Variants in PRIM2 observed in about 807,000 individuals in gnomAD.
PRIM2 encodes the protein DNA primase large subunit.
A neutral mutation model predicts 67.3 loss-of-function variants in PRIM2; 39 were observed. The ratio of observed to expected loss-of-function variants is 0.58; its 90% CI spans 0.45 to 0.76. The LOEUF (loss-of-function observed/expected upper bound fraction) is 0.76. Among genes scored for constraint, PRIM2 ranks in the 30% least tolerant of loss-of-function variants. PRIM2 has a pLI of 0.00. For synonymous variants in PRIM2, 143 were observed against 198.7 expected, an observed-to-expected ratio of 0.72 and a Z score of 2.36; for missense variants, 398 against 598.7, an observed-to-expected ratio of 0.66 and a Z score of 3.50.
chr6:57,591,071 T>G, intron 10 of PRIM2, among the ~76,000 whole-genome samples: 1 of 152,190 alleles, frequency 6.6e-6, no homozygotes, highest in Non-Finnish European at 1.5e-5. Flanking sequence ...AGAATATGTG[T>G]GATGTTCTAA....
At chr6:57,247,686 C>T in the PRIM2 span, among the ~76,000 whole-genome samples, 1 of 152,134 alleles carries the variant, frequency 6.6e-6, no homozygotes, top group Non-Finnish European at 1.5e-5. Context: ...CTTAGGTTGT[C>T]ATTTTGGACA....
At chr6:57,332,037 G>A (rs933431213) in intron 5 of PRIM2, among the ~76,000 whole-genome samples, 1 of 151,794 alleles carries the variant, frequency 6.6e-6, no homozygotes, top group African/African-American at 2.4e-5. Context: ...GACATTTACA[G>A]CTATAAATTT....
Position 57,646,189 on chromosome 6 carries a change from C to T in PRIM2, c.*31C>T. On this transcript the variant is annotated 3_prime_UTR_variant, in exon 14 of 14. Coordinates refer to ENST00000615550, the MANE Select transcript of PRIM2 (RefSeq NM_000947.5). ...TTTATAACCCTTTTTCCTCAATAGC[C>T]TGTTTCCTGTTTTTAAGATTTTGCC... 7.2e-7 allele frequency: 1 copy of T among 1,387,782 alleles called. No homozygotes were observed. The highest frequency in any genetic ancestry group is 1.0e-6 in the Non-Finnish European group (1 of 987,296). The allele number at this position is 1,387,782 out of a possible 1,614,324, so 86.0% of individuals were successfully genotyped here.
the PRIM2 span, among the ~76,000 whole-genome samples, chr6:57,256,146 C>T: frequency 6.6e-6 from 1 of 152,202 alleles, no homozygotes; most frequent in Non-Finnish European, 1.5e-5. Context: ...TAAGTACCCA[C>T]ACCTTTTGTA....
At chr6:57,265,449 T>G in the PRIM2 span, among the ~76,000 whole-genome samples, 1 of 152,226 alleles carries the variant, frequency 6.6e-6, no homozygotes, top group African/African-American at 2.4e-5. Context: ...GCTTGCCACG[T>G]TGGTATGTGC....
intron 7 of PRIM2, among the ~76,000 whole-genome samples, chr6:57,427,899 A>ATTC (rs1457253178): frequency 6.6e-6 from 1 of 152,114 alleles, no homozygotes; most frequent in East Asian, 1.9e-4. Context: ...TTTGAACCTT[A>ATTC]TTCTTATAAA....
chr6:57,522,369 G>T, intron 8 of PRIM2, among the ~76,000 whole-genome samples: 1 of 152,184 alleles, frequency 6.6e-6, no homozygotes, highest in Non-Finnish European at 1.5e-5. Flanking sequence ...ATGTCATTGT[G>T]TCCTCACTAT....
chr6:57,319,398 G>GAT (rs1451235123), intron 2 of PRIM2, among the ~76,000 whole-genome samples: 19 of 152,356 alleles, frequency 1.2e-4, no homozygotes, highest in Admixed American at 1.0e-3. Context: ...GGAAAGGTGA[G>GAT]ATACTGTTAA....
intron 10 of PRIM2, among the ~76,000 whole-genome samples, chr6:57,594,810 TAAA>T (rs1210559561): frequency 6.6e-6 from 1 of 152,112 alleles, no homozygotes; most frequent in Non-Finnish European, 1.5e-5. Context: ...TCATCAAAAA[TAAA>T]AACACCTGCT....
chr6:57,541,324 G>A (rs1303224299), intron 10 of PRIM2, among the ~76,000 whole-genome samples: 9 of 152,096 alleles, frequency 5.9e-5, no homozygotes, highest in South Asian at 2.1e-4. Flanking sequence ...CCTGACCTCA[G>A]GTGATCTTCC....
intron 8 of PRIM2, among the ~76,000 whole-genome samples, chr6:57,515,629 A>T (rs1176140777): frequency 4.6e-5 from 7 of 152,230 alleles, no homozygotes; most frequent in Non-Finnish European, 1.0e-4. Context: ...TAGAATATTT[A>T]AAAATCACTC....
chr6:57,313,374 G>T (rs1386857418), upstream of PRIM2, among the ~76,000 whole-genome samples: 1 of 151,826 alleles, frequency 6.6e-6, no homozygotes. Flanking sequence ...GGATTTTTTG[G>T]CTCTCTCATC....
At chr6:57,634,264 A>G (rs1297242284) in intron 13 of PRIM2, among the ~76,000 whole-genome samples, 3 of 152,216 alleles carry the variant, frequency 2.0e-5, no homozygotes, top group African/African-American at 4.8e-5. Context: ...AACTTGCCTT[A>G]CATGCTGTAA....
the PRIM2 span, among the ~76,000 whole-genome samples, chr6:57,293,116 C>G: frequency 1.5e-4 from 23 of 152,178 alleles, no homozygotes; most frequent in South Asian, 4.4e-3. Flanking sequence ...TATCCAGAAT[C>G]TACAAAGAAC....
intron 5 of PRIM2, among the ~76,000 whole-genome samples, chr6:57,331,656 T>C (rs1562697495): frequency 2.0e-5 from 3 of 151,972 alleles, no homozygotes; most frequent in Admixed American, 1.3e-4. Flanking sequence ...TTTATTCACT[T>C]TATCTAAGTT....
chr6:57,251,671 G>A, the PRIM2 span, among the ~76,000 whole-genome samples: 7 of 152,130 alleles, frequency 4.6e-5, no homozygotes, highest in African/African-American at 1.7e-4. Flanking sequence ...GAAATGAGCT[G>A]GGCAGATCCC....
intron 10 of PRIM2, among the ~76,000 whole-genome samples, chr6:57,539,158 GATA>G (rs1775081053): frequency 6.6e-6 from 1 of 152,016 alleles, no homozygotes; most frequent in Non-Finnish European, 1.5e-5. Flanking sequence ...AGCAGTTTTG[GATA>G]ATGTTTTTTA....
intron 7 of PRIM2, among the ~76,000 whole-genome samples, chr6:57,479,990 T>C (rs1159248734): frequency 6.6e-6 from 1 of 152,150 alleles, no homozygotes; most frequent in African/African-American, 2.4e-5. Context: ...AAGAAGGCAA[T>C]TTGAAAGGGA....
chr6:57,238,419 C>T, the PRIM2 span, among the ~76,000 whole-genome samples: 1 of 152,192 alleles, frequency 6.6e-6, no homozygotes, highest in Non-Finnish European at 1.5e-5. Context: ...TCACTCAAAA[C>T]CTCTCAACTA....
Sources: allele counts gnomAD v4.1 joint callset (sites outside exome capture counted in the v4.1 genomes callset), GRCh38; gene constraint gnomAD v4.1.1; transcripts MANE v1.5; gene names NCBI Gene and HGNC (gene_info 2026-07-23, HGNC 2026-07-21).